CRYBG1: variants seen among roughly 807,000 people sequenced by gnomAD.
The protein encoded by CRYBG1 is beta/gamma crystallin domain-containing protein 1.
CRYBG1 carries 139 observed loss-of-function variants against 189.2 expected under a neutral mutation model. That is an observed-to-expected ratio of 0.73 (90% CI 0.64 to 0.85). The LOEUF (loss-of-function observed/expected upper bound fraction) is 0.85. Ranked by LOEUF, CRYBG1 falls within the 40% of genes least tolerant of loss-of-function variation. The probability of loss-of-function intolerance (pLI) is 0.00; values close to 1 mark genes in which losing one functional copy is unlikely to be tolerated. For synonymous variants in CRYBG1, 1,023 were observed against 1,017.1 expected (o/e 1.01, Z -0.11); for missense variants, 2,611 against 2,675.8 (o/e 0.98, Z 0.53).
chr6:106,508,537 T>C (rs1203194296), intron 2 of CRYBG1, among the ~76,000 whole-genome samples: 3 of 152,206 alleles, frequency 2.0e-5, no homozygotes, highest in African/African-American at 7.2e-5. Flanking sequence ...TCTATCATTA[T>C]AGATTAGATT....
intron 2 of CRYBG1, among the ~76,000 whole-genome samples, chr6:106,482,855 A>T (rs117152047): frequency 0.11 from 16,786 of 152,082 alleles, 1,154 homozygotes; most frequent in East Asian, 0.27. Flanking sequence ...CAGTCTTTAA[A>T]TTTTTTTAAT....
rs71703000 is a variant in CRYBG1, at chr6:106,480,499, G to GA, written c.312+28684dup. On this transcript the variant is annotated intron_variant, in intron 2 of 21. Transcript: ENST00000633556. ...CTAACACGGTATTTTTTTCTCTACT[G>GA]AAAAAAAAAAAAAAAAATTTAGCCA... Among the ~76,000 whole-genome samples, 1,080 of 109,718 alleles carry GA rather than the reference G, an allele frequency of 9.8e-3. 7 individuals are homozygous for GA. The highest frequency in any genetic ancestry group is 0.013 in the Non-Finnish European group (590 of 46,752). 72.0% of individuals were successfully genotyped at this position (109,718 alleles called of 152,430 possible). A position where few individuals can be genotyped will look rare whatever the true frequency, so the allele number is the denominator to read the frequency against.
chr6:106,560,982 A>C, intron 19 of CRYBG1, 56 bp downstream of exon 19: 1 of 1,490,792 alleles, frequency 6.7e-7, no homozygotes, highest in Middle Eastern at 1.8e-4. Flanking sequence ...TTTTTTGTAA[A>C]TGCAATCCAA....
chr6:106,381,673 A>T (rs1378837216), intron 1 of CRYBG1, among the ~76,000 whole-genome samples: 1 of 152,246 alleles, frequency 6.6e-6, no homozygotes, highest in Admixed American at 6.5e-5. Flanking sequence ...ACCATTGCAG[A>T]ACTCAGAACT....
At chr6:106,465,015 C>T (rs1057505311) in intron 2 of CRYBG1, among the ~76,000 whole-genome samples, 2 of 152,146 alleles carry the variant, frequency 1.3e-5, no homozygotes, top group Non-Finnish European at 2.9e-5. Flanking sequence ...AAAAAATATA[C>T]CTGATCAATA....
intron 1 of CRYBG1, among the ~76,000 whole-genome samples, chr6:106,450,216 C>CAAA (rs35161258): frequency 3.6e-5 from 4 of 111,826 alleles, no homozygotes; most frequent in Non-Finnish European, 3.9e-5. Flanking sequence ...GACTCTGTCT[C>CAAA]AAAAAAAAAA....
chr6:106,450,590 A>G (rs1290349208), intron 1 of CRYBG1, among the ~76,000 whole-genome samples: 2 of 152,352 alleles, frequency 1.3e-5, no homozygotes, highest in Admixed American at 1.3e-4. Flanking sequence ...TAGGACGTTT[A>G]TTATCTAACA....
intron 2 of CRYBG1, among the ~76,000 whole-genome samples, chr6:106,506,538 C>T (rs997941979): frequency 4.0e-5 from 6 of 149,900 alleles, no homozygotes; most frequent in African/African-American, 9.9e-5. Context: ...CTGCAACCTC[C>T]GCCTCCTGGA....
Position 106,361,972 on chromosome 6 carries a change from T to TCTTTCTTTCTTTCTTTC in CRYBG1, c.173+891_173+892insCTTTCTTTCTTTCTTTC, listed in dbSNP as rs71006681. Among the ~76,000 whole-genome samples the TCTTTCTTTCTTTCTTTC allele has an allele frequency of 3.7e-3, 449 of 120,892 alleles. 7 individuals carry two copies. The highest frequency in any genetic ancestry group is 0.016 in the African/African-American group (410 of 26,394). 79.3% of individuals were successfully genotyped at this position (120,892 alleles called of 152,430 possible). A position where few individuals can be genotyped will look rare whatever the true frequency, so the allele number is the denominator to read the frequency against. On this transcript the variant is annotated intron_variant, in intron 1 of 21. Coordinates refer to ENST00000633556, the MANE Select transcript of CRYBG1 (RefSeq NM_001371242.2). ...TTTTCCTTTTATTTCTTTCTTTCTT[T>TCTTTCTTTCTTTCTTTC]TTTTTTTTTTTTTTCTGAGACGGAG...
chr6:106,555,942 T>A, intron 17 of CRYBG1, 45 bp downstream of exon 17: 1 of 1,609,542 alleles, frequency 6.2e-7, no homozygotes, highest in South Asian at 1.1e-5. Flanking sequence ...GTATGCCTCA[T>A]ATAGCTGATG....
At chr6:106,488,034 A>G (rs1772629925) in intron 2 of CRYBG1, among the ~76,000 whole-genome samples, 1 of 152,144 alleles carries the variant, frequency 6.6e-6, no homozygotes, top group Non-Finnish European at 1.5e-5. Context: ...CTGGGTGAGT[A>G]GACTCAGTAG....
intron 1 of CRYBG1, among the ~76,000 whole-genome samples, chr6:106,433,514 G>A (rs1007686894): frequency 1.2e-4 from 18 of 151,946 alleles, no homozygotes; most frequent in African/African-American, 4.1e-4. Flanking sequence ...GACTAGTGTC[G>A]CTATAGCAAA....
chr6:106,506,427 G>A (rs1773133807), intron 2 of CRYBG1, among the ~76,000 whole-genome samples: 1 of 124,516 alleles, frequency 8.0e-6, no homozygotes, highest in Non-Finnish European at 1.7e-5. Context: ...TACTCAAAAT[G>A]TTATTAGATT....
intron 2 of CRYBG1, among the ~76,000 whole-genome samples, chr6:106,472,491 AC>A (rs1772251330): frequency 6.6e-6 from 1 of 151,942 alleles, no homozygotes; most frequent in African/African-American, 2.4e-5. Context: ...TTTTTAAAAA[AC>A]AGTACACTAA....
At position 106,360,827 on chromosome 6, in the gene CRYBG1, G is replaced by C. The variant is rs1771851468; in HGVS notation, c.-82G>C. ...CGCGCTGAGAAAGGCGGGCGAGCTG[G>C]CGCTCAGGTGTGTTCTTCCATAGGG... On this transcript the variant is annotated 5_prime_UTR_variant, in exon 1 of 22. Coordinates refer to ENST00000633556, the MANE Select transcript of CRYBG1 (RefSeq NM_001371242.2). 1.4e-6 allele frequency: 2 copies of C among 1,390,692 alleles called. No homozygotes were observed. Among genetic ancestry groups the C allele is most frequent in the Admixed American group, 6.0e-5 (2 of 33,152 alleles). 86.1% of individuals were successfully genotyped at this position (1,390,692 alleles called of 1,614,324 possible).
intron 1 of CRYBG1, among the ~76,000 whole-genome samples, chr6:106,445,200 T>G (rs1771644173): frequency 1.3e-5 from 2 of 152,228 alleles, no homozygotes; most frequent in Non-Finnish European, 2.9e-5. Context: ...ACTTTGAGGA[T>G]GCTTTGTATT....
intron 11 of CRYBG1, 117 bp downstream of exon 11, chr6:106,543,714 A>G (rs1439579900): frequency 2.6e-6 from 3 of 1,155,432 alleles, no homozygotes; most frequent in Non-Finnish European, 3.7e-6. Flanking sequence ...GAATTTTGAC[A>G]GTTATATCCA....
At chr6:106,373,791 T>C (rs943721350) in intron 1 of CRYBG1, among the ~76,000 whole-genome samples, 3 of 152,228 alleles carry the variant, frequency 2.0e-5, no homozygotes, top group Admixed American at 1.3e-4. Flanking sequence ...ATTATAGTCA[T>C]TAATACTGTT....
rs536651358 is a variant in CRYBG1, at chr6:106,386,792, C to T, written c.173+25711C>T. ...CGGCTGTAAATAACAGATGAAGCTTCGCTCACTTGCCTGTCATTCACTTCC... is the reference window on the plus strand; with the variant it reads ...CGGCTGTAAATAACAGATGAAGCTTTGCTCACTTGCCTGTCATTCACTTCC... On this transcript the variant is annotated intron_variant, in intron 1 of 21. Transcript: ENST00000633556. Among the ~76,000 whole-genome samples, 24 of 152,300 alleles carry T rather than the reference C, an allele frequency of 1.6e-4. 1 individual carries two copies. In the South Asian group the frequency reaches 1.7e-3, roughly 11 times the overall value.
Sources: gnomAD v4.1 joint callset for allele counts (sites outside exome capture counted in the v4.1 genomes callset) on GRCh38, gnomAD v4.1.1 for gene constraint, MANE v1.5 for transcripts, NCBI Gene and HGNC (gene_info 2026-07-23, HGNC 2026-07-21) for gene names.